TENM2: variants seen among roughly 807,000 people sequenced by gnomAD.
TENM2 encodes the protein teneurin transmembrane protein 2, also known as teneurin-2.
A neutral mutation model predicts 245.2 loss-of-function variants in TENM2; 52 were observed. The observed-to-expected ratio is 0.21, with a 90% confidence interval of 0.17 to 0.27. The LOEUF (loss-of-function observed/expected upper bound fraction) is 0.27, where lower values mean the gene tolerates loss of function less well. TENM2 is among the 10% of genes least tolerant of loss of function. The pLI is 1.00. For missense variants in TENM2, 3,046 were observed against 3,666.8 expected (o/e 0.83, Z 4.37); for synonymous variants, 1,363 against 1,438.9 (o/e 0.95, Z 1.19).
chr5:167,338,603 C>T (rs1757913452), intron 1 of TENM2, among the ~76,000 whole-genome samples: 1 of 152,144 alleles, frequency 6.6e-6, no homozygotes, highest in Admixed American at 6.5e-5. Flanking sequence ...TTAAAAGAGA[C>T]TAAGGCAGTA....
At chr5:167,593,539 A>C (rs948053130) in intron 2 of TENM2, among the ~76,000 whole-genome samples, 1 of 152,246 alleles carries the variant, frequency 6.6e-6, no homozygotes, top group African/African-American at 2.4e-5. Context: ...GCATTTAGCC[A>C]CCAGCTTAGC....
chr5:167,917,699 C>T (rs1030098532), intron 3 of TENM2, among the ~76,000 whole-genome samples: 13 of 152,174 alleles, frequency 8.5e-5, no homozygotes, highest in Admixed American at 5.9e-4. Context: ...CAGTTCTTGC[C>T]CTACAAGTTC....
intron 9 of TENM2, among the ~76,000 whole-genome samples, chr5:168,111,667 C>A (rs1187826197): frequency 6.6e-6 from 1 of 152,148 alleles, no homozygotes; most frequent in African/African-American, 2.4e-5. Flanking sequence ...GAGCTGTCCA[C>A]AGAGTGACAA....
chr5:167,897,285 TG>T (rs1320525776), intron 3 of TENM2, among the ~76,000 whole-genome samples: 2 of 89,456 alleles, frequency 2.2e-5, no homozygotes, highest in African/African-American at 6.7e-5. Context: ...TTAGCTGAAC[TG>T]GTACCTTTTT....
intron 3 of TENM2, among the ~76,000 whole-genome samples, chr5:167,888,738 C>G (rs867343449): frequency 2.6e-5 from 4 of 152,200 alleles, no homozygotes; most frequent in African/African-American, 7.2e-5. Flanking sequence ...CCCCCAGGGC[C>G]AATACCAGCT....
At chr5:167,183,860 A>G in the TENM2 span, among the ~76,000 whole-genome samples, 1 of 152,216 alleles carries the variant, frequency 6.6e-6, no homozygotes, top group African/African-American at 2.4e-5. Context: ...CAATATGATT[A>G]ATTTACTACA....
chr5:168,038,702 T>C (rs1412674952), intron 5 of TENM2, among the ~76,000 whole-genome samples: 2 of 152,236 alleles, frequency 1.3e-5, no homozygotes, highest in East Asian at 3.8e-4. Flanking sequence ...ATGTGAACCC[T>C]GATTGACATG....
At chr5:167,907,232 C>CAAAT (rs10650485) in intron 3 of TENM2, among the ~76,000 whole-genome samples, 34,652 of 148,010 alleles carry the variant, frequency 0.23, 4,256 homozygotes, top group East Asian at 0.43. Context: ...AACTCCGTCT[C>CAAAT]AAATAAATAA....
chr5:168,044,052 T>C (rs1452703478), intron 5 of TENM2, among the ~76,000 whole-genome samples: 1 of 152,204 alleles, frequency 6.6e-6, no homozygotes, highest in African/African-American at 2.4e-5. Flanking sequence ...ATGGGGTTGA[T>C]AATAGTACCT....
chr5:167,287,339 T>C (rs1217436028), intron 1 of TENM2: 1 of 152,204 alleles, frequency 6.6e-6, no homozygotes, highest in East Asian at 1.9e-4. Flanking sequence ...GCATTTCCCA[T>C]TTTATTTTCT....
rs567493157 is a variant in TENM2, at chr5:168,193,429, A to G, written c.2781-1747A>G. On this transcript the variant is annotated intron_variant, in intron 14 of 28. Transcript: ENST00000518659. ...CAGATCTCACTATCTAGATAATGCG[A>G]TAATTGTTACACATCAATAATCATA... is the stretch of plus-strand genomic sequence containing the variant. Among the ~76,000 whole-genome samples, 5 of 152,378 alleles carry G rather than the reference A, an allele frequency of 3.3e-5. No individual in the cohort carries two copies. The South Asian group carries it at 1.0e-3, about 32-fold the overall frequency.
chr5:167,352,531 T>G (rs1291413267), intron 1 of TENM2, among the ~76,000 whole-genome samples: 10 of 152,184 alleles, frequency 6.6e-5, no homozygotes, highest in Non-Finnish European at 1.3e-4. Context: ...TAAAATAAAT[T>G]TACAATAATT....
intron 2 of TENM2, among the ~76,000 whole-genome samples, chr5:167,706,640 A>C (rs1758544606): frequency 1.3e-5 from 2 of 152,014 alleles, no homozygotes; most frequent in Non-Finnish European, 2.9e-5. Flanking sequence ...TCATATGGTA[A>C]TTCTGTTTTT....
chr5:167,894,988 A>AGGAAGGAG lies in TENM2; in HGVS notation c.712+18796_712+18797insAGGAGGGA, dbSNP rs1277156205. The stretch of plus-strand genomic sequence containing the variant: ...AAGGAAGGAAGGAAGGAAGGAAGGA[A>AGGAAGGAG]GGAGGGAAGGAAGGAAGGAAGGGAG... On this transcript the variant is annotated intron_variant, in intron 3 of 28. Transcript: ENST00000518659. Among the ~76,000 whole-genome samples, 327 of 106,406 alleles carry AGGAAGGAG rather than the reference A, an allele frequency of 3.1e-3. 3 individuals carry two copies. The highest frequency in any genetic ancestry group is 3.3e-3 in the Admixed American group (28 of 8,536). The allele number at this position is 106,406 out of a possible 152,430, so 69.8% of individuals were successfully genotyped here. A position where few individuals can be genotyped will look rare whatever the true frequency, so the allele number is the denominator to read the frequency against.
intron 2 of TENM2, among the ~76,000 whole-genome samples, chr5:167,400,967 T>C (rs1016001050): frequency 6.6e-6 from 1 of 152,106 alleles, no homozygotes; most frequent in African/African-American, 2.4e-5. Flanking sequence ...GGCTCATGCC[T>C]GCAATCCTAG....
intron 2 of TENM2, among the ~76,000 whole-genome samples, chr5:167,866,017 A>C (rs1772290270): frequency 6.6e-6 from 1 of 152,208 alleles, no homozygotes; most frequent in East Asian, 1.9e-4. Context: ...ATAGTGTATA[A>C]CCTGTACCCA....
chr5:167,417,648 A>G (rs1325559187), intron 2 of TENM2, among the ~76,000 whole-genome samples: 4 of 152,110 alleles, frequency 2.6e-5, no homozygotes, highest in Admixed American at 6.6e-5. Context: ...TGGCATTCCT[A>G]CGTGGTAAGT....
intron 13 of TENM2, among the ~76,000 whole-genome samples, chr5:168,180,038 T>C (rs1325722004): frequency 6.6e-6 from 1 of 152,178 alleles, no homozygotes; most frequent in Non-Finnish European, 1.5e-5. Flanking sequence ...TGAACTGATA[T>C]GCTAGTAGTA....
intron 2 of TENM2, among the ~76,000 whole-genome samples, chr5:167,546,616 G>A (rs1435586402): frequency 6.6e-6 from 1 of 152,158 alleles, no homozygotes; most frequent in African/African-American, 2.4e-5. Flanking sequence ...GAAAGAGAGG[G>A]TAGGATTGAT....
Sources: allele counts gnomAD v4.1 joint callset (sites outside exome capture counted in the v4.1 genomes callset), GRCh38; gene constraint gnomAD v4.1.1; transcripts MANE v1.5; gene names NCBI Gene and HGNC (gene_info 2026-07-23, HGNC 2026-07-21).